The following SH3RF1 variants were observed in gnomAD, a reference collection of about 807,000 sequenced individuals.
SH3RF1 encodes E3 ubiquitin-protein ligase SH3RF1.
SH3RF1 carries 32 observed loss-of-function variants against 74.0 expected under a neutral mutation model. The ratio of observed to expected loss-of-function variants is 0.43; its 90% CI spans 0.33 to 0.58. The LOEUF is 0.58. Among genes scored for constraint, SH3RF1 ranks in the 20% least tolerant of loss-of-function variants. The pLI is 0.05. For missense variants in SH3RF1, 954 were observed against 1,130.9 expected (o/e 0.84, Z 2.24); for synonymous variants, 396 against 439.6 (o/e 0.90, Z 1.24).
chr4:169,115,034 T>C (rs1231080481), intron 10 of SH3RF1, among the ~76,000 whole-genome samples: 1 of 152,222 alleles, frequency 6.6e-6, no homozygotes, highest in Non-Finnish European at 1.5e-5. Context: ...TTTTTCTTTT[T>C]ACATTTAACA....
chr4:169,103,300 CATT>C (rs1733073719), intron 11 of SH3RF1, among the ~76,000 whole-genome samples: 1 of 151,972 alleles, frequency 6.6e-6, no homozygotes, highest in African/African-American at 2.4e-5. Flanking sequence ...TGCTTGTTCT[CATT>C]ATAATCTGTA....
At chr4:169,244,921 A>G (rs1038401489) in intron 2 of SH3RF1, among the ~76,000 whole-genome samples, 1 of 152,254 alleles carries the variant, frequency 6.6e-6, no homozygotes, top group Non-Finnish European at 1.5e-5. Flanking sequence ...TCCAGTTTTT[A>G]GAAAAGGTTT....
chr4:169,158,388 G>A (rs1329349087), intron 2 of SH3RF1, among the ~76,000 whole-genome samples: 1 of 152,168 alleles, frequency 6.6e-6, no homozygotes, highest in African/African-American at 2.4e-5. Context: ...ATGTGCAGCG[G>A]GACTGGGGAG....
chr4:169,245,837 G>C (rs1019015992), intron 2 of SH3RF1, among the ~76,000 whole-genome samples: 1 of 152,184 alleles, frequency 6.6e-6, no homozygotes, highest in East Asian at 1.9e-4. Context: ...GGCAACAGGG[G>C]AGTATCCGTA....
chr4:169,260,696 TATAA>T (rs944504855), intron 2 of SH3RF1, among the ~76,000 whole-genome samples: 1 of 152,026 alleles, frequency 6.6e-6, no homozygotes, highest in Non-Finnish European at 1.5e-5. Flanking sequence ...AAAAGAGAAA[TATAA>T]ATAAATAAAT....
At chr4:169,210,237 C>T (rs1730335565) in intron 2 of SH3RF1, among the ~76,000 whole-genome samples, 1 of 152,176 alleles carries the variant, frequency 6.6e-6, no homozygotes, top group African/African-American at 2.4e-5. Flanking sequence ...CCCTTCCCTC[C>T]TACTCTCCTT....
rs532033835 is a variant in SH3RF1, at chr4:169,226,490, GA to G, written c.393+42329del. 2.7e-3 allele frequency among the ~76,000 whole-genome samples: 353 copies of G among 132,152 alleles called. 1 individual carries two copies. The highest frequency in any genetic ancestry group is 3.6e-3 in the African/African-American group (128 of 35,292). The allele number at this position is 132,152 out of a possible 152,430, so 86.7% of individuals were successfully genotyped here. A position where few individuals can be genotyped will look rare whatever the true frequency, so the allele number is the denominator to read the frequency against. ...AAAATTTGAGGGAGCCTGATTTAAA[GA>G]AAAAAAAAAAAGAGCAAGAAAGATC... On this transcript the variant is annotated intron_variant, in intron 2 of 11. Transcript: ENST00000284637.
intron 5 of SH3RF1, among the ~76,000 whole-genome samples, chr4:169,136,035 G>A (rs986969133): frequency 6.6e-6 from 1 of 152,218 alleles, no homozygotes; most frequent in Non-Finnish European, 1.5e-5. Flanking sequence ...AAGGCTGAGT[G>A]ATTGCTTGGT....
At chr4:169,218,813 T>C (rs902219086) in intron 2 of SH3RF1, among the ~76,000 whole-genome samples, 1 of 152,188 alleles carries the variant, frequency 6.6e-6, no homozygotes, top group South Asian at 2.1e-4. Flanking sequence ...GATTCATTAA[T>C]GGAAAGAAGC....
chr4:169,145,006 G>A (rs556892278), intron 4 of SH3RF1, among the ~76,000 whole-genome samples: 2 of 152,060 alleles, frequency 1.3e-5, no homozygotes, highest in Admixed American at 6.6e-5. Context: ...TCCAACCAAC[G>A]ACCCAGAAAT....
chr4:169,240,808 A>G (rs1009170643), intron 2 of SH3RF1, among the ~76,000 whole-genome samples: 2 of 152,160 alleles, frequency 1.3e-5, no homozygotes, highest in Non-Finnish European at 1.5e-5. Context: ...ATTCATTACC[A>G]TACTTATACC....
chr4:169,096,744 G>A (rs1732938840), intron 11 of SH3RF1, 57 bp from the exon 12 acceptor site: 3 of 1,532,638 alleles, frequency 2.0e-6, no homozygotes, highest in South Asian at 1.2e-5. Flanking sequence ...TTAAAAAATG[G>A]TGTACTGTTA....
rs1390036285 is a variant in SH3RF1 at position 169,143,314 on chromosome 4, T to TA, written c.766-6695dup. On this transcript the variant is annotated intron_variant, in intron 4 of 11. Transcript: ENST00000284637. ...TGATCACTTCAACATGTAATCCATG[T>TA]AAAAAAGTACTGAGATGGGTACATT... 2.0e-5 allele frequency among the ~76,000 whole-genome samples: 3 copies of TA among 152,340 alleles called. No homozygotes were observed. The East Asian group carries it at 5.8e-4, about 29-fold the overall frequency.
At chr4:169,142,357 T>G (rs1733801282) in intron 4 of SH3RF1, among the ~76,000 whole-genome samples, 1 of 152,232 alleles carries the variant, frequency 6.6e-6, no homozygotes, top group Non-Finnish European at 1.5e-5. Flanking sequence ...TTCTAATTTG[T>G]TATTTATCAG....
chr4:169,139,921 C>A (rs1469128293), intron 4 of SH3RF1, among the ~76,000 whole-genome samples: 2 of 152,200 alleles, frequency 1.3e-5, no homozygotes, highest in African/African-American at 2.4e-5. Context: ...ATGTATAATG[C>A]ATAATCTCAC....
intron 2 of SH3RF1, among the ~76,000 whole-genome samples, chr4:169,177,251 C>G (rs1040203757): frequency 1.3e-5 from 2 of 152,206 alleles, no homozygotes; most frequent in Admixed American, 6.5e-5. Flanking sequence ...GAATACCTGT[C>G]ATTATGGTTT....
At chr4:169,152,944 C>T (rs937125220) in intron 4 of SH3RF1, among the ~76,000 whole-genome samples, 1 of 152,158 alleles carries the variant, frequency 6.6e-6, no homozygotes, top group African/African-American at 2.4e-5. Context: ...CAGTGCTCAG[C>T]TCCTTACAGT....
Position 169,096,408 on chromosome 4 carries a change from T to G in SH3RF1, c.*111A>C. The G allele has an allele frequency of 8.6e-6, 10 of 1,163,590 alleles. No individual in the cohort carries two copies. The highest frequency in any genetic ancestry group is 1.2e-5 in the Non-Finnish European group (10 of 817,630). 72.1% of individuals were successfully genotyped at this position (1,163,590 alleles called of 1,614,324 possible). The stretch of plus-strand genomic sequence containing the variant: ...GGGCATCAGAGTCACATACCAATCC[T>G]TTGCTCATCTCCTGACCATCTGGAA... On this transcript the variant is annotated 3_prime_UTR_variant, in exon 12 of 12. Transcript: ENST00000284637.
At chr4:169,123,929 T>C (rs1159992069) in intron 6 of SH3RF1, among the ~76,000 whole-genome samples, 3 of 151,968 alleles carry the variant, frequency 2.0e-5, no homozygotes, top group Non-Finnish European at 4.4e-5. Flanking sequence ...GGAATTTGCA[T>C]GTACTGAGGC....
Sources: gnomAD v4.1 joint callset for allele counts (sites outside exome capture counted in the v4.1 genomes callset) on GRCh38, gnomAD v4.1.1 for gene constraint, MANE v1.5 for transcripts, NCBI Gene and HGNC (gene_info 2026-07-23, HGNC 2026-07-21) for gene names.